CSGALNACT1: variants seen among roughly 807,000 people sequenced by gnomAD.
CSGALNACT1 encodes beta4GalNAcT-1.
CSGALNACT1 carries 52 observed loss-of-function variants against 51.0 expected under a neutral mutation model. The observed-to-expected ratio is 1.02, with a 90% CI of 0.82 to 1.29. The LOEUF (loss-of-function observed/expected upper bound fraction) is 1.29, where lower values mean the gene tolerates loss of function less well. CSGALNACT1 is among the 50% of genes most tolerant of loss of function. CSGALNACT1 has a pLI of 0.00. For synonymous variants in CSGALNACT1, 341 were observed against 254.4 expected (o/e 1.34, Z -3.24); for missense variants, 935 against 679.2 (o/e 1.38, Z -4.19).
intron 3 of CSGALNACT1, among the ~76,000 whole-genome samples, chr8:19,535,763 T>G (rs2083610810): frequency 6.6e-6 from 1 of 152,082 alleles, no homozygotes; most frequent in Non-Finnish European, 1.5e-5. Context: ...CAAAAAACAT[T>G]TGAAAAACTT....
rs1589853122 is a variant in CSGALNACT1, at chr8:19,757,659, T to C, written c.-297+191A>G. Among the ~76,000 whole-genome samples the C allele has an allele frequency of 6.6e-6, 1 of 151,908 alleles. No individual in the cohort carries two copies. Among genetic ancestry groups the C allele is most frequent in the East Asian group, 1.9e-4 (1 of 5,146 alleles). Reference sequence around the variant, plus strand: ...AGAGAGGTGTCCAATCTCCATGGGGTCCTTACTCTTGCAGGACAGAGTTCC... The same window carrying C: ...AGAGAGGTGTCCAATCTCCATGGGGCCCTTACTCTTGCAGGACAGAGTTCC... On this transcript the variant is annotated intron_variant, in intron 1 of 1. Coordinates refer to the CSGALNACT1 transcript ENST00000517494. This position sits in a 1 kb window ranked among gnomAD's most constrained non-coding sequence, Gnocchi z 4.0.
At chr8:19,644,998 C>A (rs2057128349) in intron 1 of CSGALNACT1, among the ~76,000 whole-genome samples, 1 of 152,048 alleles carries the variant, frequency 6.6e-6, no homozygotes, top group African/African-American at 2.4e-5. Context: ...GAGTAAAAAT[C>A]CAGTTTTGAT....
At chr8:19,513,253 C>A (rs1587611203) in intron 3 of CSGALNACT1, among the ~76,000 whole-genome samples, 1 of 151,562 alleles carries the variant, frequency 6.6e-6, no homozygotes, top group Non-Finnish European at 1.5e-5. Context: ...AGGAGGATAG[C>A]GACAATGTGG....
chr8:19,406,197 A>G, intron 9 of CSGALNACT1, 128 bp from the exon 9 acceptor site: 3 of 1,093,338 alleles, frequency 2.7e-6, no homozygotes, highest in Non-Finnish European at 4.1e-6. Context: ...CCACCCCTCC[A>G]AGGTACGAGA....
At chr8:19,585,717 G>A (rs867821155) in intron 3 of CSGALNACT1, among the ~76,000 whole-genome samples, 3 of 152,176 alleles carry the variant, frequency 2.0e-5, no homozygotes, top group South Asian at 2.1e-4. Context: ...AGGCCATGAG[G>A]TGTAAAATGA....
intron 3 of CSGALNACT1, among the ~76,000 whole-genome samples, chr8:19,530,423 CTTCA>C (rs898719529): frequency 2.0e-5 from 3 of 152,006 alleles, no homozygotes; most frequent in African/African-American, 7.3e-5. Context: ...TAACTCTTTG[CTTCA>C]TTAACATAGA....
intron 1 of CSGALNACT1, among the ~76,000 whole-genome samples, chr8:19,732,991 G>C (rs1427457004): frequency 6.6e-6 from 1 of 152,146 alleles, no homozygotes; most frequent in Non-Finnish European, 1.5e-5. Flanking sequence ...GAAAAATGGA[G>C]TACTTATAAT....
At chr8:19,420,206 C>T (rs1274327311) in intron 7 of CSGALNACT1, 134 bp downstream of exon 6, 10 of 808,470 alleles carry the variant, frequency 1.2e-5, no homozygotes, top group Admixed American at 2.0e-5. Context: ...AGATGGTTTT[C>T]CTTTTCTTTG....
rs748959269 is a variant in CSGALNACT1, at chr8:19,639,008, C to A, written c.-543-37143G>T. Among the ~76,000 whole-genome samples, 12 of 151,918 alleles carry A rather than the reference C, an allele frequency of 7.9e-5. 1 individual carries two copies. The highest frequency in any genetic ancestry group is 1.3e-4 in the Non-Finnish European group (9 of 67,988). On this transcript the variant is annotated intron_variant, in intron 1 of 9. Transcript: ENST00000332246. ...CTTTTTCTGTTTTTTTATGGCTCAC[C>A]AATAAAGAGGTATATCATGATCACC...
intron 2 of CSGALNACT1, among the ~76,000 whole-genome samples, chr8:19,600,861 C>A (rs1473232289): frequency 6.7e-6 from 1 of 149,750 alleles, no homozygotes; most frequent in Non-Finnish European, 1.5e-5. Context: ...ATCAAGCAAA[C>A]CTCTATAGAC....
intron 4 of CSGALNACT1, among the ~76,000 whole-genome samples, chr8:19,472,112 C>G (rs1051210093): frequency 6.6e-6 from 1 of 152,106 alleles, no homozygotes; most frequent in Non-Finnish European, 1.5e-5. Flanking sequence ...GTTTAAGAGG[C>G]CAGTCAGCAA....
At chr8:19,640,274 C>T (rs1335962272) in intron 1 of CSGALNACT1, among the ~76,000 whole-genome samples, 1 of 152,088 alleles carries the variant, frequency 6.6e-6, no homozygotes, top group Non-Finnish European at 1.5e-5. Context: ...TACATATGTA[C>T]ATTTACATAT....
At chr8:19,449,148 T>A (rs1240063499) in intron 5 of CSGALNACT1, among the ~76,000 whole-genome samples, 1 of 152,104 alleles carries the variant, frequency 6.6e-6, no homozygotes, top group Non-Finnish European at 1.5e-5. Context: ...AAATAGAAAA[T>A]GAGATCATTT....
At chr8:19,527,933 G>C (rs548428139) in intron 3 of CSGALNACT1, among the ~76,000 whole-genome samples, 1 of 152,136 alleles carries the variant, frequency 6.6e-6, no homozygotes, top group East Asian at 1.9e-4. Flanking sequence ...GAATCAAACC[G>C]TAAGACTGAA....
intron 3 of CSGALNACT1, among the ~76,000 whole-genome samples, chr8:19,559,150 A>G (rs1033285019): frequency 2.0e-5 from 3 of 152,206 alleles, no homozygotes; most frequent in African/African-American, 7.2e-5. Context: ...TGGAAATTAC[A>G]AACTAATGTC....
At chr8:19,433,388 A>G (rs140043757) in intron 6 of CSGALNACT1, among the ~76,000 whole-genome samples, 542 of 152,352 alleles carry the variant, frequency 3.6e-3, no homozygotes, top group Non-Finnish European at 5.5e-3. Flanking sequence ...AGAGAGGTAC[A>G]TGGTCCTTAG....
chr8:19,658,650 C>A (rs2058499752), intron 1 of CSGALNACT1, among the ~76,000 whole-genome samples: 1 of 152,136 alleles, frequency 6.6e-6, no homozygotes, highest in Non-Finnish European at 1.5e-5. Context: ...ACGAGAATCA[C>A]TTGAACCTGG....
intron 5 of CSGALNACT1, among the ~76,000 whole-genome samples, chr8:19,443,852 T>A (rs974026154): frequency 4.6e-5 from 7 of 152,098 alleles, no homozygotes; most frequent in Non-Finnish European, 8.8e-5. Context: ...CAGGGACCAG[T>A]TTCATGGAAG....
At chr8:19,523,200 C>G (rs377074643) in intron 3 of CSGALNACT1, among the ~76,000 whole-genome samples, 1 of 152,132 alleles carries the variant, frequency 6.6e-6, no homozygotes, top group Non-Finnish European at 1.5e-5. Context: ...CATGCCACAC[C>G]CACCTCGCTC....
Sources: gnomAD v4.1 joint callset for allele counts (sites outside exome capture counted in the v4.1 genomes callset) on GRCh38, gnomAD v4.1.1 for gene constraint, Gnocchi (gnomAD v3.1) non-coding constraint, MANE v1.5 for transcripts, NCBI Gene and HGNC (gene_info 2026-07-23, HGNC 2026-07-21) for gene names.